ARHGAP24: variants seen among roughly 807,000 people sequenced by gnomAD.
ARHGAP24 encodes the protein Rho GTPase activating protein 24, also known as rho GTPase-activating protein 24.
ARHGAP24 carries 50 observed loss-of-function variants against 76.4 expected under a neutral mutation model. The ratio of observed to expected loss-of-function variants is 0.65; its 90% CI spans 0.52 to 0.83. The LOEUF is 0.83. Among genes scored for constraint, ARHGAP24 ranks in the 40% least tolerant of loss-of-function variants. The probability of loss-of-function intolerance (pLI) is 0.00; values close to 1 mark genes in which losing one functional copy is unlikely to be tolerated. For missense variants in ARHGAP24, 930 were observed against 914.2 expected, an observed-to-expected ratio of 1.02 and a Z score of -0.22; for synonymous variants, 345 against 323.3, an observed-to-expected ratio of 1.07 and a Z score of -0.72.
At position 85,810,013 on chromosome 4, in the gene ARHGAP24, G is replaced by A. The variant is rs114843107; in HGVS notation, c.268+88041G>A. On this transcript the variant is annotated intron_variant, in intron 3 of 9. Transcript: ENST00000395184. Reference sequence around the variant, plus strand: ...AATTTCCTCATTTGTAACATATTATGAAATCATAAAATTGGATAACATGAG... The same window carrying A: ...AATTTCCTCATTTGTAACATATTATAAAATCATAAAATTGGATAACATGAG... 9.9e-3 allele frequency among the ~76,000 whole-genome samples: 1,508 copies of A among 152,236 alleles called. 29 individuals carry two copies. The highest frequency in any genetic ancestry group is 0.034 in the African/African-American group (1,409 of 41,534).
chr4:85,825,269 C>G (rs1370643276), intron 3 of ARHGAP24, among the ~76,000 whole-genome samples: 2 of 152,058 alleles, frequency 1.3e-5, no homozygotes, highest in African/African-American at 4.8e-5. Flanking sequence ...ACATTTACAG[C>G]TGGGAATGAC....
intron 1 of ARHGAP24, among the ~76,000 whole-genome samples, chr4:85,476,201 C>T (rs987049871): frequency 2.0e-5 from 3 of 151,720 alleles, no homozygotes; most frequent in African/African-American, 7.3e-5. Context: ...TAATGATAAA[C>T]ATGTAATATG....
chr4:85,679,771 G>A (rs879833999), intron 2 of ARHGAP24, among the ~76,000 whole-genome samples: 1 of 152,118 alleles, frequency 6.6e-6, no homozygotes, highest in South Asian at 2.1e-4. Flanking sequence ...CTAAGCTCAA[G>A]GTGGTCAGAT....
chr4:85,487,954 G>A (rs1723199192), intron 1 of ARHGAP24, among the ~76,000 whole-genome samples: 1 of 144,740 alleles, frequency 6.9e-6, no homozygotes, highest in Non-Finnish European at 1.5e-5. Flanking sequence ...CGCCCGGGCT[G>A]TAGTGCAGTG....
chr4:85,930,013 C>T (rs560326211), intron 4 of ARHGAP24, among the ~76,000 whole-genome samples: 2 of 152,294 alleles, frequency 1.3e-5, no homozygotes, highest in African/African-American at 2.4e-5. Context: ...TGTACCGTAG[C>T]GTGGCATTCT....
At chr4:85,651,917 A>G (rs1721961765) in intron 2 of ARHGAP24, among the ~76,000 whole-genome samples, 1 of 152,182 alleles carries the variant, frequency 6.6e-6, no homozygotes, top group South Asian at 2.1e-4. Flanking sequence ...AGATGGGCTT[A>G]GAAGTATAAA....
chr4:85,530,300 C>T (rs1725207010), intron 1 of ARHGAP24, among the ~76,000 whole-genome samples: 1 of 151,962 alleles, frequency 6.6e-6, no homozygotes, highest in African/African-American at 2.4e-5. Flanking sequence ...TTACGATAAA[C>T]TGTTAATTCA....
At chr4:85,849,125 A>G (rs1157082635) in intron 3 of ARHGAP24, among the ~76,000 whole-genome samples, 3 of 144,622 alleles carry the variant, frequency 2.1e-5, no homozygotes, top group Non-Finnish European at 4.5e-5. Flanking sequence ...TATTTCCTTG[A>G]GCAGTGGTTT....
intron 2 of ARHGAP24, among the ~76,000 whole-genome samples, chr4:85,702,628 A>G (rs540575603): frequency 6.6e-6 from 1 of 152,340 alleles, no homozygotes; most frequent in East Asian, 1.9e-4. Flanking sequence ...CAAATTGTCA[A>G]TAAGTTATTC....
At chr4:85,810,477 C>T (rs1728965010) in intron 3 of ARHGAP24, among the ~76,000 whole-genome samples, 1 of 152,206 alleles carries the variant, frequency 6.6e-6, no homozygotes, top group African/African-American at 2.4e-5. Flanking sequence ...TACATTACTA[C>T]TCACAGTTCA....
intron 1 of ARHGAP24, among the ~76,000 whole-genome samples, chr4:85,518,339 T>C (rs1368560689): frequency 6.7e-6 from 1 of 148,234 alleles, no homozygotes; most frequent in African/African-American, 2.6e-5. Context: ...TAAAAATTAT[T>C]TGTTATTTCT....
chr4:85,793,275 C>T (rs911741183), intron 3 of ARHGAP24, among the ~76,000 whole-genome samples: 1 of 152,074 alleles, frequency 6.6e-6, no homozygotes, highest in African/African-American at 2.4e-5. Context: ...ATAATTCAAA[C>T]GGCTCATTTA....
intron 3 of ARHGAP24, among the ~76,000 whole-genome samples, chr4:85,846,810 G>C (rs187648264): frequency 6.6e-6 from 1 of 152,308 alleles, no homozygotes; most frequent in Admixed American, 6.5e-5. Flanking sequence ...TAGTTAAATA[G>C]TATGTTACCC....
At chr4:85,748,373 G>C (rs1215473271) in intron 3 of ARHGAP24, among the ~76,000 whole-genome samples, 1 of 152,172 alleles carries the variant, frequency 6.6e-6, no homozygotes, top group African/African-American at 2.4e-5. Context: ...ATTCTGATAG[G>C]CCAGAAAGAT....
At chr4:85,645,956 T>A (rs1057364039) in intron 2 of ARHGAP24, among the ~76,000 whole-genome samples, 1 of 152,086 alleles carries the variant, frequency 6.6e-6, no homozygotes, top group Non-Finnish European at 1.5e-5. Flanking sequence ...TATCTCATTA[T>A]ACAAATATTT....
intron 3 of ARHGAP24, among the ~76,000 whole-genome samples, chr4:85,772,995 C>T (rs534410092): frequency 2.6e-5 from 4 of 152,184 alleles, no homozygotes; most frequent in Admixed American, 2.6e-4. Flanking sequence ...AGTTATATGC[C>T]TCAGTTTCCT....
chr4:85,485,219 G>A (rs866550188), intron 1 of ARHGAP24, among the ~76,000 whole-genome samples: 20 of 149,258 alleles, frequency 1.3e-4, no homozygotes, highest in Non-Finnish European at 2.5e-4. Context: ...TTGGTGGTGG[G>A]CGCCTGTAGT....
At chr4:85,916,251 T>C (rs1233632933) in intron 3 of ARHGAP24, among the ~76,000 whole-genome samples, 1 of 152,192 alleles carries the variant, frequency 6.6e-6, no homozygotes, top group African/African-American at 2.4e-5. Context: ...TTCACCACTT[T>C]TTGGTGGGGT....
At chr4:85,797,028 A>G (rs555929011) in intron 3 of ARHGAP24, among the ~76,000 whole-genome samples, 19 of 152,340 alleles carry the variant, frequency 1.2e-4, no homozygotes, top group African/African-American at 3.4e-4. Flanking sequence ...CCTGTGCTGC[A>G]GGAGCCTGCG....
Sources: gnomAD v4.1 joint callset for allele counts (sites outside exome capture counted in the v4.1 genomes callset) on GRCh38, gnomAD v4.1.1 for gene constraint, MANE v1.5 for transcripts, NCBI Gene and HGNC (gene_info 2026-07-23, HGNC 2026-07-21) for gene names.